The following ANKS1B variants were observed in gnomAD, a reference collection of about 807,000 sequenced individuals.
ANKS1B encodes the protein ankyrin repeat and sterile alpha motif domain containing 1B, also known as ankyrin repeat and sterile alpha motif domain-containing protein 1B.
ANKS1B carries 36 observed loss-of-function variants against 148.3 expected under a neutral mutation model. The ratio of observed to expected loss-of-function variants is 0.24; its 90% CI spans 0.19 to 0.32. The LOEUF (loss-of-function observed/expected upper bound fraction) is 0.32, where lower values mean the gene tolerates loss of function less well. Among genes scored for constraint, ANKS1B ranks in the 10% least tolerant of loss-of-function variants. The pLI is 1.00. For synonymous variants in ANKS1B, 542 were observed against 560.8 expected (o/e 0.97, Z 0.47); for missense variants, 1,157 against 1,542.6 (o/e 0.75, Z 4.19).
At chr12:99,894,059 G>C (rs1426728738) in intron 1 of ANKS1B, among the ~76,000 whole-genome samples, 1 of 151,862 alleles carries the variant, frequency 6.6e-6, no homozygotes, top group Non-Finnish European at 1.5e-5. Flanking sequence ...GAAGAGATTT[G>C]TAAAATAAAC....
At chr12:98,973,345 A>G (rs2099885240) in intron 17 of ANKS1B, among the ~76,000 whole-genome samples, 1 of 152,170 alleles carries the variant, frequency 6.6e-6, no homozygotes, top group Non-Finnish European at 1.5e-5. Context: ...ACCCATAAAC[A>G]TTATGTTTTA....
intron 8 of ANKS1B, among the ~76,000 whole-genome samples, chr12:99,701,806 T>C (rs929859331): frequency 6.6e-6 from 1 of 152,296 alleles, no homozygotes; most frequent in Middle Eastern, 3.4e-3. Flanking sequence ...TGTCTTTCTG[T>C]GCCTGGCTTA....
At chr12:99,068,078 T>C (rs543817670) in intron 16 of ANKS1B, among the ~76,000 whole-genome samples, 2 of 152,156 alleles carry the variant, frequency 1.3e-5, no homozygotes, top group African/African-American at 4.8e-5. Flanking sequence ...ATCATATGTA[T>C]AACATCATTC....
Position 98,901,344 on chromosome 12 carries a change from T to C in ANKS1B, c.2779-69208A>G, listed in dbSNP as rs114244701. ...TGGATTATCTTCAATGAGGCTCACA[T>C]GTAGAATTATGAACGAGAAAGTCTG... On this transcript the variant is annotated intron_variant, in intron 17 of 26. Transcript: ENST00000683438. Among the ~76,000 whole-genome samples the C allele has an allele frequency of 4.6e-3, 700 of 152,328 alleles. 9 individuals are homozygous for C. The highest frequency in any genetic ancestry group is 0.016 in the African/African-American group (685 of 41,560).
chr12:99,489,754 G>C (rs2175523), intron 10 of ANKS1B, among the ~76,000 whole-genome samples: 22,570 of 152,170 alleles, frequency 0.15, 2,100 homozygotes, highest in Non-Finnish European at 0.2. Flanking sequence ...CTCTCGACTT[G>C]TTTACGGCAT....
At chr12:99,875,829 C>T (rs1565907002) in intron 1 of ANKS1B, among the ~76,000 whole-genome samples, 1 of 152,212 alleles carries the variant, frequency 6.6e-6, no homozygotes, top group Non-Finnish European at 1.5e-5. Flanking sequence ...ATGGGACAGA[C>T]ATGTCCTTGC....
chr12:99,667,886 C>T (rs1382700515), intron 8 of ANKS1B, among the ~76,000 whole-genome samples: 1 of 152,120 alleles, frequency 6.6e-6, no homozygotes, highest in Non-Finnish European at 1.5e-5. Flanking sequence ...GCCTTTCTGG[C>T]ATATATCCCA....
At chr12:99,709,757 A>C (rs995776079) in intron 8 of ANKS1B, among the ~76,000 whole-genome samples, 1 of 152,108 alleles carries the variant, frequency 6.6e-6, no homozygotes, top group Non-Finnish European at 1.5e-5. Context: ...CACACACTGC[A>C]CCAGCTGACT....
At chr12:99,269,693 G>C (rs1477797544) in intron 12 of ANKS1B, among the ~76,000 whole-genome samples, 1 of 152,042 alleles carries the variant, frequency 6.6e-6, no homozygotes, top group Non-Finnish European at 1.5e-5. Context: ...AGAGTAGCTG[G>C]GACCACAGGC....
At chr12:99,022,918 A>T (rs2099946648) in intron 17 of ANKS1B, among the ~76,000 whole-genome samples, 1 of 152,130 alleles carries the variant, frequency 6.6e-6, no homozygotes, top group African/African-American at 2.4e-5. Flanking sequence ...TTACTAAGAA[A>T]ATTTTACTGT....
rs2097859770 is a variant in ANKS1B at position 98,745,423 on chromosome 12, A to G, written c.*316T>C. The G allele has an allele frequency of 2.0e-6, 2 of 997,504 alleles. No homozygotes were observed. Among genetic ancestry groups the G allele is most frequent in the East Asian group, 9.6e-5 (1 of 10,446 alleles). The allele number at this position is 997,504 out of a possible 1,614,324, so 61.8% of individuals were successfully genotyped here. On this transcript the variant is annotated 3_prime_UTR_variant, in exon 27 of 27. Transcript: ENST00000683438. ...TTAAAGAAAAGGTATTATTTTCCCC[A>G]AATGAAGCAAAGCAAGTACTGGGGC... is the stretch of plus-strand genomic sequence containing the variant.
At chr12:99,531,348 T>C (rs917380931) in intron 9 of ANKS1B, among the ~76,000 whole-genome samples, 1 of 152,116 alleles carries the variant, frequency 6.6e-6, no homozygotes. Flanking sequence ...ATGGATAAAT[T>C]ATAGGAACCT....
chr12:98,919,107 C>CT (rs2099798050), intron 17 of ANKS1B, among the ~76,000 whole-genome samples: 1 of 151,962 alleles, frequency 6.6e-6, no homozygotes, highest in Admixed American at 6.6e-5. Context: ...GGAAAAAAAT[C>CT]TTTTTCTGTT....
At chr12:98,914,480 C>T (rs1435219030) in intron 17 of ANKS1B, among the ~76,000 whole-genome samples, 1 of 152,160 alleles carries the variant, frequency 6.6e-6, no homozygotes, top group Non-Finnish European at 1.5e-5. Flanking sequence ...CAGTGCCTCC[C>T]TTGTTCTTTA....
intron 14 of ANKS1B, among the ~76,000 whole-genome samples, chr12:99,208,541 A>AG (rs1207520324): frequency 6.6e-6 from 1 of 152,186 alleles, no homozygotes; most frequent in East Asian, 1.9e-4. Context: ...TGTAATCCCT[A>AG]GAAATATATC....
chr12:98,882,996 T>C (rs1413410241), intron 17 of ANKS1B, among the ~76,000 whole-genome samples: 1 of 152,164 alleles, frequency 6.6e-6, no homozygotes, highest in African/African-American at 2.4e-5. Flanking sequence ...CCACTGTTAT[T>C]ATTAATTTTT....
chr12:99,021,252 G>T (rs2099945639), intron 17 of ANKS1B, among the ~76,000 whole-genome samples: 1 of 152,028 alleles, frequency 6.6e-6, no homozygotes, highest in African/African-American at 2.4e-5. Context: ...ATTGACTTGG[G>T]AGAGTTTTTT....
intron 20 of ANKS1B, among the ~76,000 whole-genome samples, chr12:98,805,342 T>G (rs1201874501): frequency 6.6e-6 from 1 of 151,738 alleles, no homozygotes; most frequent in African/African-American, 2.4e-5. Flanking sequence ...GAACATCAAT[T>G]AAACAGAGGA....
Position 99,773,088 on chromosome 12 carries a change from C to T in ANKS1B, c.962G>A (p.Ser321Asn). Residue 321 changes from serine to asparagine, a missense_variant and splice_region_variant, in exon 8 of 27, where the codon AGT (serine) becomes AAT (asparagine). Physicochemically the swap from Ser to Asn is conservative, Grantham distance 46 (BLOSUM62 1). Coordinates refer to ENST00000683438, the MANE Select transcript of ANKS1B (RefSeq NM_001352186.2). ...PVESPSQKTK[S>N]ETVTGELSKL... ...TGATAATTCTCCAGTGACGGTTTCACCTATGAGAATAATTTTTTCAGAAGT... is the reference window on the plus strand; with the variant it reads ...TGATAATTCTCCAGTGACGGTTTCATCTATGAGAATAATTTTTTCAGAAGT... The T allele has an allele frequency of 6.3e-7, 1 of 1,590,710 alleles. No homozygotes were observed. Among genetic ancestry groups the T allele is most frequent in the Non-Finnish European group, 8.5e-7 (1 of 1,171,006 alleles).
Sources: allele counts gnomAD v4.1 joint callset (sites outside exome capture counted in the v4.1 genomes callset), GRCh38; gene constraint gnomAD v4.1.1; transcripts MANE v1.5; gene names NCBI Gene and HGNC (gene_info 2026-07-23, HGNC 2026-07-21).